TBC1D9: variants seen among roughly 807,000 people sequenced by gnomAD.
TBC1D9 encodes the protein TBC1 domain family member 9A.
TBC1D9 carries 63 observed loss-of-function variants against 132.0 expected under a neutral mutation model. That is an observed-to-expected ratio of 0.48 (90% CI 0.39 to 0.59). TBC1D9 has a LOEUF of 0.59. TBC1D9 is among the 20% of genes least tolerant of loss of function. The pLI, the probability that TBC1D9 is intolerant of heterozygous loss-of-function variation, is 0.00. For missense variants in TBC1D9, 1,261 were observed against 1,592.7 expected (o/e 0.79, Z 3.54); for synonymous variants, 610 against 609.9 (o/e 1.00, Z 0.00).
At chr4:140,737,837 T>C (rs1738700001) in intron 1 of TBC1D9, among the ~76,000 whole-genome samples, 3 of 152,178 alleles carry the variant, frequency 2.0e-5, no homozygotes, top group Admixed American at 2.0e-4. Flanking sequence ...AATTCTTTGA[T>C]TCACAATCTA....
chr4:140,657,596 A>C lies in TBC1D9; in HGVS notation c.2138T>G (p.Val713Gly). ...IKVIFQLALA[V>G]LDANVDKLLN... is the part of the protein sequence containing the mutation. ...CAGTTTGTCCACATTTGCATCCAGC[A>C]CAGCTAGGGCCAACTGGAATATCAC... Residue 713 changes from valine to glycine, a missense_variant, in exon 12 of 21, where the codon GTG becomes GGG. By Grantham distance (109) the Val-to-Gly change is moderately radical. Around this residue, in one of 3 missense-constraint regions of TBC1D9, gnomAD observed 618 missense variants for 724.4 expected, o/e 0.85. Coordinates refer to ENST00000442267, the MANE Select transcript of TBC1D9 (RefSeq NM_015130.3). The C allele has an allele frequency of 6.2e-7, 1 of 1,614,040 alleles. No homozygotes were observed. Among genetic ancestry groups the C allele is most frequent in the East Asian group, 2.2e-5 (1 of 44,886 alleles).
At chr4:140,637,925 A>G (rs1408388018) in intron 15 of TBC1D9, among the ~76,000 whole-genome samples, 1 of 152,246 alleles carries the variant, frequency 6.6e-6, no homozygotes, top group Non-Finnish European at 1.5e-5. Flanking sequence ...TAATTTATCT[A>G]TTAATTCAAC....
intron 18 of TBC1D9, 71 bp from the exon 19 acceptor site, chr4:140,624,459 T>A: frequency 7.2e-7 from 1 of 1,396,568 alleles, no homozygotes; most frequent in Non-Finnish European, 9.9e-7. Context: ...GCATTTGTAG[T>A]GGAAAATAGA....
At chr4:140,704,224 C>A (rs563486079) in intron 1 of TBC1D9, among the ~76,000 whole-genome samples, 4 of 151,862 alleles carry the variant, frequency 2.6e-5, no homozygotes, top group Non-Finnish European at 5.9e-5. Flanking sequence ...ATGGTGAACA[C>A]CCTTCCCCAT....
rs1192361361 is a variant in TBC1D9, at chr4:140,669,082, G to A, written c.1438-15C>T. Reference sequence around the variant, plus strand: ...AACTCTTTGGCCTGAAAGGGATAATGAAACATTATGACATCCAAAGTACCC... The same window carrying A: ...AACTCTTTGGCCTGAAAGGGATAATAAAACATTATGACATCCAAAGTACCC... On this transcript the variant is annotated splice_polypyrimidine_tract_variant and intron_variant, in intron 8 of 20. Transcript: ENST00000442267. 3 of 1,613,428 alleles carry A rather than the reference G, an allele frequency of 1.9e-6. No individual in the cohort carries two copies. In the Admixed American group the frequency reaches 5.0e-5, roughly 27 times the overall value.
At position 140,622,755 on chromosome 4, in the gene TBC1D9, C is replaced by T. The variant is rs750146805; in HGVS notation, c.3241G>A (p.Gly1081Arg). The T allele has an allele frequency of 1.9e-5, 30 of 1,605,784 alleles. No individual in the cohort carries two copies. The highest frequency in any genetic ancestry group is 8.9e-5 in the East Asian group (4 of 44,882). ...VAQPAKEGGS[G>R]GSGPSCHQGI... ...TGGTGGCAGGACGGCCCACTGCCTC[C>T]GCTCCCGCCCTCCTTTGCAGGCTGG... The change falls in exon 21 of 21, where the codon GGA (glycine) becomes AGA (arginine). Residue 1081 changes from glycine to arginine, a missense_variant. This residue lies in a region of TBC1D9 where 618 missense variants were observed against 724.4 expected (regional missense o/e 0.85). Transcript: ENST00000442267.
intron 13 of TBC1D9, chr4:140,644,228 G>A: frequency 3.0e-6 from 1 of 331,570 alleles, no homozygotes; most frequent in Non-Finnish European, 5.9e-6. Context: ...AAGTGCTGGG[G>A]GCTTCCTTAT....
Position 140,622,296 on chromosome 4 carries a change from C to T in TBC1D9, c.3700G>A (p.Val1234Met), listed in dbSNP as rs1190728259. The T allele has an allele frequency of 1.2e-6, 2 of 1,613,562 alleles. No individual in the cohort carries two copies. Among genetic ancestry groups the T allele is most frequent in the Admixed American group, 1.7e-5 (1 of 60,012 alleles). Reference sequence around the variant, plus strand: ...CTGGTAATCCTGGCCATCATGCACACGGGCTTGTCAAAGTACTTGACCAGG... The same window carrying T: ...CTGGTAATCCTGGCCATCATGCACATGGGCTTGTCAAAGTACTTGACCAGG... ...PALVKYFDKP[V>M]CMMARITSAK... Residue 1234 changes from valine to methionine, a missense_variant, in exon 21 of 21, where the codon GTG (valine) becomes ATG (methionine). Around this residue, in one of 3 missense-constraint regions of TBC1D9, gnomAD observed 618 missense variants for 724.4 expected, o/e 0.85. Coordinates refer to ENST00000442267, the MANE Select transcript of TBC1D9 (RefSeq NM_015130.3).
chr4:140,679,227 G>T, intron 4 of TBC1D9, 24 bp from the exon 5 acceptor site: 2 of 1,597,664 alleles, frequency 1.3e-6, no homozygotes, highest in Non-Finnish European at 1.7e-6. Flanking sequence ...ACAAGCCTGG[G>T]TCAACATCTG....
At position 140,709,246 on chromosome 4, in the gene TBC1D9, TCTCACA is replaced by T. The variant is rs1459830845; in HGVS notation, c.131-7638_131-7633del. 1.6e-3 allele frequency among the ~76,000 whole-genome samples: 167 copies of T among 102,358 alleles called. 1 individual carries two copies. The highest frequency in any genetic ancestry group is 4.2e-3 in the Middle Eastern group (1 of 240). 67.2% of individuals were successfully genotyped at this position (102,358 alleles called of 152,430 possible). Reference sequence around the variant, plus strand: ...CTCTCTCTCTCTCTCTCTCTCTCTCTCTCACACACACACACACACACACACACACAC... The same window carrying T: ...CTCTCTCTCTCTCTCTCTCTCTCTCTCACACACACACACACACACACACAC... On this transcript the variant is annotated intron_variant, in intron 1 of 20. Coordinates refer to ENST00000442267, the MANE Select transcript of TBC1D9 (RefSeq NM_015130.3).
intron 13 of TBC1D9, among the ~76,000 whole-genome samples, chr4:140,647,416 T>C (rs966703614): frequency 3.9e-5 from 6 of 152,184 alleles, no homozygotes; most frequent in Non-Finnish European, 7.3e-5. Context: ...GAAAAGAACA[T>C]AAATTTTGGA....
At chr4:140,733,297 A>ATT (rs34542002) in intron 1 of TBC1D9, among the ~76,000 whole-genome samples, 2 of 151,610 alleles carry the variant, frequency 1.3e-5, no homozygotes. Context: ...TAATTATGTG[A>ATT]TTTTTTTTTA....
At chr4:140,648,940 G>C (rs1436700317) in intron 13 of TBC1D9, among the ~76,000 whole-genome samples, 1 of 152,170 alleles carries the variant, frequency 6.6e-6, no homozygotes, top group East Asian at 1.9e-4. Flanking sequence ...TTCCTGAGCG[G>C]AACAAGAGTT....
intron 1 of TBC1D9, among the ~76,000 whole-genome samples, chr4:140,745,325 G>A (rs1271836496): frequency 2.0e-5 from 3 of 152,104 alleles, no homozygotes; most frequent in African/African-American, 4.8e-5. Context: ...ATAACATTAA[G>A]TTCCATTAGG....
At chr4:140,666,166 C>G (rs574774367) in intron 9 of TBC1D9, among the ~76,000 whole-genome samples, 1 of 152,100 alleles carries the variant, frequency 6.6e-6, no homozygotes, top group East Asian at 1.9e-4. Flanking sequence ...TATGGTGGAA[C>G]CTTGAACACA....
chr4:140,642,670 C>G (rs1289685344), intron 13 of TBC1D9: 6 of 677,326 alleles, frequency 8.9e-6, no homozygotes, highest in Non-Finnish European at 1.6e-5. Flanking sequence ...GGTTCCTCTC[C>G]CTGGCTTTCC....
chr4:140,671,047 A>G, intron 6 of TBC1D9, 121 bp from the exon 7 acceptor site: 1 of 782,170 alleles, frequency 1.3e-6, no homozygotes. Flanking sequence ...CCTATATTTT[A>G]TTGAAGCAAA....
At chr4:140,674,725 G>C (rs1007363371) in intron 6 of TBC1D9, among the ~76,000 whole-genome samples, 7 of 150,838 alleles carry the variant, frequency 4.6e-5, no homozygotes, top group Non-Finnish European at 1.0e-4. Context: ...TAGAGATAAG[G>C]TCTTGCTCTG....
chr4:140,734,843 T>A (rs1396224610), intron 1 of TBC1D9, among the ~76,000 whole-genome samples: 2 of 152,106 alleles, frequency 1.3e-5, no homozygotes, highest in Non-Finnish European at 2.9e-5. Context: ...ATTAATGTTT[T>A]TTGCTTTCAG....
Sources: gnomAD v4.1 joint callset for allele counts (sites outside exome capture counted in the v4.1 genomes callset) on GRCh38, gnomAD v4.1.1 for gene constraint, gnomAD v4.1.1 regional missense constraint, MANE v1.5 for transcripts, NCBI Gene and HGNC (gene_info 2026-07-23, HGNC 2026-07-21) for gene names.